The following ESRRG variants were observed in gnomAD, a reference collection of about 807,000 sequenced individuals.
ESRRG encodes the protein estrogen related receptor gamma.
ESRRG carries 13 observed loss-of-function variants against 44.0 expected under a neutral mutation model. The observed-to-expected ratio is 0.30, with a 90% CI of 0.19 to 0.47. ESRRG has a LOEUF of 0.47. Ranked by LOEUF, ESRRG falls within the 20% of genes least tolerant of loss-of-function variation. The pLI, the probability that ESRRG is intolerant of heterozygous loss-of-function variation, is 1.00. For missense variants in ESRRG, 395 were observed against 580.6 expected (o/e 0.68, Z 3.29); for synonymous variants, 215 against 214.6 (o/e 1.00, Z -0.02).
intron 2 of ESRRG, among the ~76,000 whole-genome samples, chr1:216,786,133 T>A (rs573781714): frequency 1.3e-5 from 2 of 152,200 alleles, no homozygotes; most frequent in Non-Finnish European, 2.9e-5. Context: ...TCACAGTTTT[T>A]AAAATGGGAT....
At chr1:217,035,820 T>C (rs1455758161) in intron 1 of ESRRG, among the ~76,000 whole-genome samples, 2 of 152,104 alleles carry the variant, frequency 1.3e-5, no homozygotes, top group Non-Finnish European at 2.9e-5. Flanking sequence ...CCTTCCCCAT[T>C]AATAAGAGTA....
intron 2 of ESRRG, among the ~76,000 whole-genome samples, chr1:216,904,824 G>A (rs1040151705): frequency 9.2e-5 from 14 of 152,138 alleles, no homozygotes; most frequent in African/African-American, 2.9e-4. Context: ...GGTTCGAAGA[G>A]GTTGCTGGGA....
chr1:216,595,021 T>A (rs1365736754), intron 3 of ESRRG, among the ~76,000 whole-genome samples: 1 of 152,166 alleles, frequency 6.6e-6, no homozygotes, highest in Non-Finnish European at 1.5e-5. Context: ...AGAGGTGATG[T>A]TTCTATAAAC....
chr1:216,990,192 G>A (rs1214378101), intron 1 of ESRRG, among the ~76,000 whole-genome samples: 1 of 152,104 alleles, frequency 6.6e-6, no homozygotes, highest in Non-Finnish European at 1.5e-5. Flanking sequence ...TGGCATGACA[G>A]GCAAAGATAA....
At chr1:216,794,526 A>T (rs539845829) in intron 2 of ESRRG, among the ~76,000 whole-genome samples, 1 of 152,350 alleles carries the variant, frequency 6.6e-6, no homozygotes, top group East Asian at 1.9e-4. Context: ...TAATCCCATT[A>T]CCATGTAGAG....
intron 1 of ESRRG, among the ~76,000 whole-genome samples, chr1:217,006,427 C>T (rs1344434568): frequency 6.6e-6 from 1 of 152,016 alleles, no homozygotes; most frequent in Non-Finnish European, 1.5e-5. Context: ...CTACAATATA[C>T]ATATAACTTC....
chr1:216,832,891 C>T (rs1249839737), intron 2 of ESRRG, among the ~76,000 whole-genome samples: 5 of 151,882 alleles, frequency 3.3e-5, no homozygotes, highest in African/African-American at 1.2e-4. Context: ...CAGGAGAATC[C>T]CTGGATCCCA....
chr1:216,877,236 T>C (rs1201945107), intron 2 of ESRRG, among the ~76,000 whole-genome samples: 5 of 152,156 alleles, frequency 3.3e-5, no homozygotes, highest in Non-Finnish European at 5.9e-5. Context: ...CCACCACCTG[T>C]ACCATCCTCA....
At chr1:216,919,117 G>C (rs530926783) in intron 2 of ESRRG, among the ~76,000 whole-genome samples, 14 of 152,102 alleles carry the variant, frequency 9.2e-5, no homozygotes, top group African/African-American at 3.4e-4. Flanking sequence ...TTCCATTTCA[G>C]AGTAAAAGTA....
intron 3 of ESRRG, among the ~76,000 whole-genome samples, chr1:216,582,797 G>A (rs561439335): frequency 6.6e-6 from 1 of 152,114 alleles, no homozygotes; most frequent in Non-Finnish European, 1.5e-5. Flanking sequence ...TTCTTGCATT[G>A]TATGAAAGAG....
At chr1:216,584,683 A>G (rs2063434747) in intron 3 of ESRRG, among the ~76,000 whole-genome samples, 1 of 152,236 alleles carries the variant, frequency 6.6e-6, no homozygotes, top group Non-Finnish European at 1.5e-5. Flanking sequence ...TAAGAAATTT[A>G]AGATCCTTTA....
chr1:216,625,423 C>CAA (rs57817803), intron 3 of ESRRG, among the ~76,000 whole-genome samples: 1,183 of 115,686 alleles, frequency 0.01, 51 homozygotes, highest in African/African-American at 0.039. Context: ...GCTCATTTGG[C>CAA]AAAAAAAAAA....
Position 216,728,546 on chromosome 1 carries a change from G to A in ESRRG, c.-13-51055C>T, listed in dbSNP as rs368282286. On this transcript the variant is annotated intron_variant, in intron 2 of 7. Transcript: ENST00000359162. ...GGAGATAGAGAAGCAGGGGGAAGTG[G>A]AACAAACATGACAGATTCCAGAATA... 4.3e-4 allele frequency among the ~76,000 whole-genome samples: 65 copies of A among 152,010 alleles called. 1 individual carries two copies. The highest frequency in any genetic ancestry group is 1.5e-3 in the African/African-American group (63 of 41,478).
chr1:216,719,104 T>C (rs1033178878), intron 1 of ESRRG, among the ~76,000 whole-genome samples: 7 of 151,938 alleles, frequency 4.6e-5, no homozygotes, highest in Non-Finnish European at 7.4e-5. Context: ...CTAAAACAAA[T>C]GTTGAGGAAT....
intron 3 of ESRRG, among the ~76,000 whole-genome samples, chr1:216,607,122 T>C (rs1348152028): frequency 6.6e-6 from 1 of 152,198 alleles, no homozygotes; most frequent in Non-Finnish European, 1.5e-5. Flanking sequence ...TAAAATCATG[T>C]TACCTAGAAA....
At chr1:216,707,465 T>C (rs1224479483) in intron 1 of ESRRG, 1 of 1,535,012 alleles carries the variant, frequency 6.5e-7, no homozygotes, top group South Asian at 1.2e-5. Flanking sequence ...ATTACATTCA[T>C]GATGGGAACT....
intron 3 of ESRRG, among the ~76,000 whole-genome samples, chr1:216,577,927 A>G (rs1279011732): frequency 6.6e-6 from 1 of 152,016 alleles, no homozygotes; most frequent in African/African-American, 2.4e-5. Context: ...ATAGGGGAAA[A>G]CTTTATCTCT....
At chr1:217,076,410 G>A (rs1048596259) in intron 1 of ESRRG, among the ~76,000 whole-genome samples, 2 of 151,966 alleles carry the variant, frequency 1.3e-5, no homozygotes, top group Non-Finnish European at 2.9e-5. Context: ...ACTTAACACA[G>A]GTACAATTTG....
At chr1:216,685,601 A>G (rs2077792510) in intron 1 of ESRRG, among the ~76,000 whole-genome samples, 1 of 152,168 alleles carries the variant, frequency 6.6e-6, no homozygotes, top group Admixed American at 6.6e-5. Context: ...CTATGCACTG[A>G]TCTCTACAAA....
Sources: allele counts gnomAD v4.1 joint callset (sites outside exome capture counted in the v4.1 genomes callset), GRCh38; gene constraint gnomAD v4.1.1; transcripts MANE v1.5; gene names NCBI Gene and HGNC (gene_info 2026-07-23, HGNC 2026-07-21).